PARVB: variants seen among roughly 807,000 people sequenced by gnomAD.
PARVB encodes the protein beta-parvin.
Under a neutral mutation model 47.0 loss-of-function variants are expected in PARVB, and 46 were observed. The observed-to-expected ratio is 0.98, with a 90% CI of 0.77 to 1.25. The LOEUF (loss-of-function observed/expected upper bound fraction) is 1.25, where lower values mean the gene tolerates loss of function less well. PARVB is among the 50% of genes most tolerant of loss of function. PARVB has a pLI of 0.00. For synonymous variants in PARVB, 196 were observed against 196.3 expected, an observed-to-expected ratio of 1.00 and a Z score of 0.01; for missense variants, 473 against 471.6, an observed-to-expected ratio of 1.00 and a Z score of -0.03.
At chr22:44,154,969 CTGTG>C (rs1230389202) in intron 10 of PARVB, among the ~76,000 whole-genome samples, 2 of 108,978 alleles carry the variant, frequency 1.8e-5, no homozygotes, top group Non-Finnish European at 3.6e-5. Flanking sequence ...TTTTTGTAGT[CTGTG>C]TGGTGTGTGT....
intron 3 of PARVB, chr22:44,108,273 G>A (rs1226951029): frequency 6.6e-6 from 1 of 152,214 alleles, no homozygotes; most frequent in Admixed American, 6.5e-5. Flanking sequence ...TGAACCTGAG[G>A]TGAGGGCCCT....
intron 2 of PARVB, among the ~76,000 whole-genome samples, chr22:44,017,506 A>T (rs2050596369): frequency 6.6e-6 from 1 of 152,184 alleles, no homozygotes. Flanking sequence ...ATTAAGCACC[A>T]CTTGGTTGTC....
In PARVB at chr22:44,171,408, T is replaced by C. The variant is rs2054267165; in HGVS notation, c.*2730T>C. ...TATTCGGGAGGCTGAGGCAGGAGAA[T>C]TGCATGAACCCAGGAGGTGGAAGTT... On this transcript the variant is annotated 3_prime_UTR_variant, in exon 13 of 13. Coordinates refer to ENST00000338758, the MANE Select transcript of PARVB (RefSeq NM_013327.5). 1 of 151,146 alleles carries C rather than the reference T, an allele frequency of 6.6e-6. No homozygotes were observed. The highest frequency in any genetic ancestry group is 2.4e-5 in the African/African-American group (1 of 41,064). 9.4% of individuals were successfully genotyped at this position (151,146 alleles called of 1,614,324 possible).
chr22:44,072,363 C>T (rs2030728615), intron 1 of PARVB, among the ~76,000 whole-genome samples: 1 of 152,148 alleles, frequency 6.6e-6, no homozygotes, highest in South Asian at 2.1e-4. Flanking sequence ...TCAAGTTGGG[C>T]ATCAGATAGG....
upstream of PARVB, among the ~76,000 whole-genome samples, chr22:44,022,435 G>A (rs1176105395): frequency 1.3e-5 from 2 of 151,980 alleles, no homozygotes. Context: ...TGCTGGCCAC[G>A]CTACACGGCC....
chr22:44,073,816 C>A (rs901215476), intron 1 of PARVB, among the ~76,000 whole-genome samples: 2 of 152,254 alleles, frequency 1.3e-5, no homozygotes, highest in Non-Finnish European at 2.9e-5. Flanking sequence ...TTTTCCCACA[C>A]TGGGTCTGTG....
At chr22:44,027,914 CATATAT>C (rs3083338) in intron 1 of PARVB, among the ~76,000 whole-genome samples, 69 of 133,234 alleles carry the variant, frequency 5.2e-4, no homozygotes, top group African/African-American at 1.6e-3. Flanking sequence ...AAAAAAAAAC[CATATAT>C]ATATATATAT....
At chr22:44,051,310 CTGTT>C (rs539230625) in intron 1 of PARVB, among the ~76,000 whole-genome samples, 57 of 152,348 alleles carry the variant, frequency 3.7e-4, no homozygotes, top group African/African-American at 1.3e-3. Context: ...GTCACCCCGT[CTGTT>C]TGTAGGCGCT....
chr22:44,012,521 A>G lies in PARVB; in HGVS notation c.211+12848A>G, dbSNP rs150008168. On this transcript the variant is annotated intron_variant, in intron 2 of 13. Coordinates refer to the PARVB transcript ENST00000406477. ...ATCACTAAATTAGCAGACTGATTAA[A>G]TAACACCATTTCAAAATGCTAGTTT... is the stretch of plus-strand genomic sequence containing the variant. 8.2e-4 allele frequency among the ~76,000 whole-genome samples: 125 copies of G among 152,344 alleles called. 1 individual carries two copies. The highest frequency in any genetic ancestry group is 2.9e-3 in the African/African-American group (120 of 41,588).
chr22:44,068,998 G>T lies in PARVB; in HGVS notation c.113-24930G>T. 1.2e-6 allele frequency: 1 copy of T among 836,086 alleles called. No homozygotes were observed. The highest frequency in any genetic ancestry group is 1.9e-6 in the Non-Finnish European group (1 of 529,648). 51.8% of individuals were successfully genotyped at this position (836,086 alleles called of 1,614,324 possible). ...CGGTCCTTCCACAGCCTGACCCTCT[G>T]TGACCTTCCTCAAAGGCTCCCCAAA... On this transcript the variant is annotated intron_variant, in intron 1 of 12. Coordinates refer to ENST00000338758, the MANE Select transcript of PARVB (RefSeq NM_013327.5). This position sits in a 1 kb window ranked among gnomAD's most constrained non-coding sequence, Gnocchi z 4.1.
At chr22:44,079,318 C>G (rs1057119765) in intron 1 of PARVB, among the ~76,000 whole-genome samples, 1 of 152,156 alleles carries the variant, frequency 6.6e-6, no homozygotes, top group Non-Finnish European at 1.5e-5. Context: ...TGCCCGGGCT[C>G]CAGCCTGAGA....
At chr22:44,100,420 G>A (rs1008241255) in intron 3 of PARVB, among the ~76,000 whole-genome samples, 3 of 152,118 alleles carry the variant, frequency 2.0e-5, no homozygotes, top group African/African-American at 7.2e-5. Flanking sequence ...GAGTGCTGGC[G>A]TGAGCTAGTG....
intron 3 of PARVB, among the ~76,000 whole-genome samples, chr22:44,101,841 T>C (rs763515113): frequency 6.6e-6 from 1 of 152,198 alleles, no homozygotes; most frequent in Non-Finnish European, 1.5e-5. Context: ...TAATTTGTTT[T>C]ATTTTTTCCC....
chr22:44,001,046 C>T (rs937366484), intron 2 of PARVB, among the ~76,000 whole-genome samples: 4 of 152,188 alleles, frequency 2.6e-5, no homozygotes, highest in South Asian at 2.1e-4. Flanking sequence ...GTCAGGAGTT[C>T]GAGACAAGCC....
chr22:44,138,062 A>C lies in PARVB; in HGVS notation c.692+1544A>C, dbSNP rs902668856. Among the ~76,000 whole-genome samples, 5 of 152,150 alleles carry C rather than the reference A, an allele frequency of 3.3e-5. No homozygotes were observed. The East Asian group carries it at 9.6e-4, about 29-fold the overall frequency. The stretch of plus-strand genomic sequence containing the variant: ...ATGGTCCAGAGACAGAGAATGAGCA[A>C]GTGGGTGGGAGAATTGTCTCAGCTA... On this transcript the variant is annotated intron_variant, in intron 7 of 12. Transcript: ENST00000338758.
In PARVB at chr22:44,055,678, C is replaced by CTA. The variant is rs3083346; in HGVS notation, c.112+31241_112+31242dup. 3.1e-3 allele frequency among the ~76,000 whole-genome samples: 449 copies of CTA among 142,736 alleles called. 2 individuals carry two copies. Among genetic ancestry groups the CTA allele is most frequent in the East Asian group, 0.016 (80 of 4,960 alleles). 93.6% of individuals were successfully genotyped at this position (142,736 alleles called of 152,430 possible). On this transcript the variant is annotated intron_variant, in intron 1 of 12. Coordinates refer to ENST00000338758, the MANE Select transcript of PARVB (RefSeq NM_013327.5). Reference sequence around the variant, plus strand: ...TCCATCTCTCTCTCTCTCTCTCTCTCTATATATATATATATTTGAAGAGAT... The same window carrying CTA: ...TCCATCTCTCTCTCTCTCTCTCTCTCTATATATATATATATATTTGAAGAGAT...
At position 44,045,732 on chromosome 22, in the gene PARVB, CA is replaced by C. The variant is rs777217120; in HGVS notation, c.112+21283del. 4.6e-5 allele frequency among the ~76,000 whole-genome samples: 7 copies of C among 152,318 alleles called. No homozygotes were observed. In the East Asian group the frequency reaches 1.4e-3, roughly 29 times the overall value. On this transcript the variant is annotated intron_variant, in intron 1 of 12. Transcript: ENST00000338758. Reference sequence around the variant, plus strand: ...TCTTTGCTGAAAATCAGTTGATCATCAATGTATGGATTTATTTCTGAGCTTT... The same window carrying C: ...TCTTTGCTGAAAATCAGTTGATCATCATGTATGGATTTATTTCTGAGCTTT...
intron 1 of PARVB, among the ~76,000 whole-genome samples, chr22:44,026,075 G>T (rs1315272271): frequency 6.6e-6 from 1 of 152,234 alleles, no homozygotes; most frequent in African/African-American, 2.4e-5. Context: ...GTCTTTCATA[G>T]AATGGCAAGG....
chr22:44,027,638 C>G (rs975604992), intron 1 of PARVB, among the ~76,000 whole-genome samples: 2 of 152,178 alleles, frequency 1.3e-5, no homozygotes, highest in Admixed American at 1.3e-4. Flanking sequence ...TGGCTCACGC[C>G]TGTAATCCCA....
Sources: allele counts gnomAD v4.1 joint callset (sites outside exome capture counted in the v4.1 genomes callset), GRCh38; gene constraint gnomAD v4.1.1; non-coding constraint Gnocchi (gnomAD v3.1); transcripts MANE v1.5; gene names NCBI Gene and HGNC (gene_info 2026-07-23, HGNC 2026-07-21).